Variants in NPHP4 observed in about 807,000 individuals in gnomAD.
NPHP4 encodes nephrocystin-4.
In NPHP4, 151 loss-of-function variants were observed where a neutral mutation model predicts 155.8. The observed-to-expected ratio is 0.97, with a 90% CI of 0.85 to 1.11. NPHP4 has a LOEUF of 1.11. Among genes scored for constraint, NPHP4 ranks in the 50% least tolerant of loss-of-function variants. The pLI, the probability that NPHP4 is intolerant of heterozygous loss-of-function variation, is 0.00. For synonymous variants in NPHP4, 845 were observed against 816.8 expected (o/e 1.03, Z -0.59); for missense variants, 1,956 against 1,925.7 (o/e 1.02, Z -0.29).
intron 18 of NPHP4, 139 bp downstream of exon 18, chr1:5,887,147 G>T: frequency 1.2e-6 from 1 of 805,794 alleles, no homozygotes; most frequent in Non-Finnish European, 2.0e-6. Context: ...CAGGCTCCAT[G>T]GCCAAGCTGG....
In NPHP4 at chr1:5,910,959, T is replaced by G. The variant is rs1242803346; in HGVS notation, c.1442-1746A>C. 6.6e-6 allele frequency among the ~76,000 whole-genome samples: 1 copy of G among 152,186 alleles called. No homozygotes were observed. Among genetic ancestry groups the G allele is most frequent in the Non-Finnish European group, 1.5e-5 (1 of 68,028 alleles). On this transcript the variant is annotated intron_variant, in intron 11 of 29. Transcript: ENST00000378156. This position sits in a 1 kb window ranked among gnomAD's most constrained non-coding sequence, Gnocchi z 5.4. The stretch of plus-strand genomic sequence containing the variant: ...TGGCGGGCACAGCTCCCAGTCCAAC[T>G]ACCTCCTGGGCAGCGCCCATTTGGC...
chr1:5,893,509 A>G (rs1024475315), intron 16 of NPHP4, among the ~76,000 whole-genome samples: 1 of 152,226 alleles, frequency 6.6e-6, no homozygotes, highest in African/African-American at 2.4e-5. Flanking sequence ...TTATTTCTGC[A>G]TATCAGAGAC....
At chr1:5,908,545 C>T (rs1645022774) in intron 12 of NPHP4, among the ~76,000 whole-genome samples, 1 of 152,214 alleles carries the variant, frequency 6.6e-6, no homozygotes, top group Non-Finnish European at 1.5e-5. Flanking sequence ...CCACGGGTGT[C>T]TCGGGACTCC....
At chr1:5,976,050 C>A (rs1485481391) in intron 3 of NPHP4, among the ~76,000 whole-genome samples, 1 of 152,106 alleles carries the variant, frequency 6.6e-6, no homozygotes, top group Non-Finnish European at 1.5e-5. Flanking sequence ...TGCAAGGCAT[C>A]CCTGGTTTCA....
intron 20 of NPHP4, chr1:5,875,870 G>A (rs1011386862): frequency 2.0e-5 from 3 of 152,316 alleles, no homozygotes; most frequent in Admixed American, 6.5e-5. Context: ...TCAGAGAGAT[G>A]GGCTGACTTC....
intron 1 of NPHP4, among the ~76,000 whole-genome samples, chr1:5,988,839 G>A (rs1184045714): frequency 6.6e-6 from 1 of 152,158 alleles, no homozygotes; most frequent in African/African-American, 2.4e-5. Flanking sequence ...CCCAGACGCT[G>A]CATCCTTGGC....
chr1:5,922,703 G>C (rs1173399126), intron 11 of NPHP4, among the ~76,000 whole-genome samples: 1 of 137,042 alleles, frequency 7.3e-6, no homozygotes. Context: ...CTGCAGTCCT[G>C]GCTTAGCCGG....
Position 5,890,951 on chromosome 1 carries a change from A to G in NPHP4, c.2221T>C (p.Tyr741His). 1 of 1,604,174 alleles carries G rather than the reference A, an allele frequency of 6.2e-7. No individual in the cohort carries two copies. The highest frequency in any genetic ancestry group is 8.5e-7 in the Non-Finnish European group (1 of 1,173,268). ...KPGERRCFAR[Y>H]LAVQTLQIDV... ...ATCTGCAGGGTCTGCACGGCCAGGT[A>G]GCGGGCAAAGCAGCGCCGCTCACCT... The change falls in exon 17 of 30, where the codon TAC becomes CAC. Residue 741 changes from tyrosine to histidine, a missense_variant. Transcript: ENST00000378156. This position sits in a 1 kb window ranked among gnomAD's most constrained non-coding sequence, Gnocchi z 4.9.
chr1:5,941,751 T>C (rs1051289623), intron 9 of NPHP4, among the ~76,000 whole-genome samples: 1 of 152,134 alleles, frequency 6.6e-6, no homozygotes, highest in East Asian at 1.9e-4. Flanking sequence ...GGACAATTTG[T>C]ACCAAAATAA....
chr1:5,889,650 T>C lies in NPHP4; in HGVS notation c.2304+1218A>G, dbSNP rs925562717. On this transcript the variant is annotated intron_variant, in intron 17 of 29. Coordinates refer to ENST00000378156, the MANE Select transcript of NPHP4 (RefSeq NM_015102.5). The surrounding 1 kb of genome is among the most constrained non-coding windows in gnomAD (Gnocchi z 4.2). ...CGCCTCCCCACCATGCAGAGCCTGC[T>C]GGGGCTGAGGCCTGTGCTAGAGATG... 6.6e-6 allele frequency among the ~76,000 whole-genome samples: 1 copy of C among 152,174 alleles called. No homozygotes were observed. Among genetic ancestry groups the C allele is most frequent in the Non-Finnish European group, 1.5e-5 (1 of 68,034 alleles).
intron 9 of NPHP4, among the ~76,000 whole-genome samples, chr1:5,933,756 C>G (rs931090795): frequency 2.1e-4 from 32 of 152,230 alleles, no homozygotes; most frequent in African/African-American, 7.2e-5. Context: ...AATTCCTAAT[C>G]AGAAATTTGG....
At position 5,979,394 on chromosome 1, in the gene NPHP4, G is replaced by T. The variant is rs556048168; in HGVS notation, c.136-981C>A. On this transcript the variant is annotated intron_variant, in intron 2 of 29. Coordinates refer to ENST00000378156, the MANE Select transcript of NPHP4 (RefSeq NM_015102.5). ...ATGATCCTTGAGCTGAGAACAAGGG[G>T]GGCATGAGAAGAACCACAGGGAGTT... Among the ~76,000 whole-genome samples, 5 of 152,204 alleles carry T rather than the reference G, an allele frequency of 3.3e-5. No homozygotes were observed. In the South Asian group the frequency reaches 1.0e-3, roughly 32 times the overall value.
chr1:5,888,034 T>C (rs1643911198), intron 17 of NPHP4, among the ~76,000 whole-genome samples: 1 of 151,956 alleles, frequency 6.6e-6, no homozygotes, highest in African/African-American at 2.4e-5. Context: ...GAAGCATGGC[T>C]GGGGTAGAGG....
intron 1 of NPHP4, among the ~76,000 whole-genome samples, chr1:5,987,099 G>A (rs144387872): frequency 1.6e-4 from 25 of 152,104 alleles, no homozygotes; most frequent in Non-Finnish European, 2.5e-4. Flanking sequence ...GTCACCCCAC[G>A]ACACTTCAGC....
intron 10 of NPHP4, among the ~76,000 whole-genome samples, chr1:5,932,813 T>C (rs1237844899): frequency 6.6e-6 from 1 of 151,766 alleles, no homozygotes; most frequent in Non-Finnish European, 1.5e-5. Context: ...CCAAAAAACC[T>C]ACTGGTAAAG....
chr1:5,896,944 C>T (rs564919858), intron 16 of NPHP4, among the ~76,000 whole-genome samples: 1 of 152,208 alleles, frequency 6.6e-6, no homozygotes, highest in Middle Eastern at 3.4e-3. Flanking sequence ...TGCAGGAGAC[C>T]GCAGCCACGC....
chr1:5,921,198 C>T (rs953695743), intron 11 of NPHP4, among the ~76,000 whole-genome samples: 2 of 152,216 alleles, frequency 1.3e-5, no homozygotes, highest in African/African-American at 2.4e-5. Context: ...CCACCTGATA[C>T]GCATAGATCT....
At position 5,866,399 on chromosome 1, in the gene NPHP4, G is replaced by C. The variant is rs771262516; in HGVS notation, c.3618C>G (p.Ile1206Met). Reference protein sequence around the residue: ...LKVASGPSPEIKDFFVIIYSD... With the variant: ...LKVASGPSPEMKDFFVIIYSD... Reference sequence around the variant, plus strand: ...AGTAAATGATGACAAAGAAGTCTTTGATCTCCGGGCTTGGACCACTGGCCA... The same window carrying C: ...AGTAAATGATGACAAAGAAGTCTTTCATCTCCGGGCTTGGACCACTGGCCA... Residue 1206 changes from isoleucine to methionine, a missense_variant, in exon 26 of 30, where the codon ATC (isoleucine) becomes ATG (methionine). Physicochemically the swap from Ile to Met is conservative, Grantham distance 10. Transcript: ENST00000378156. 3.7e-6 allele frequency: 6 copies of C among 1,608,982 alleles called. No individual in the cohort carries two copies. In the South Asian group the frequency reaches 5.6e-5, roughly 15 times the overall value.
intron 16 of NPHP4, 82 bp downstream of exon 16, chr1:5,904,535 C>T: frequency 1.8e-6 from 2 of 1,087,090 alleles, no homozygotes; most frequent in South Asian, 1.6e-5. Flanking sequence ...TTTCATAGTA[C>T]CACTTATTTA....
Sources: gnomAD v4.1 joint callset for allele counts (sites outside exome capture counted in the v4.1 genomes callset) on GRCh38, gnomAD v4.1.1 for gene constraint, Gnocchi (gnomAD v3.1) non-coding constraint, MANE v1.5 for transcripts, NCBI Gene and HGNC (gene_info 2026-07-23, HGNC 2026-07-21) for gene names.